The following PMFBP1 variants were observed in gnomAD, a reference collection of about 807,000 sequenced individuals.
PMFBP1 encodes the protein polyamine-modulated factor 1-binding protein 1.
Under a neutral mutation model 137.8 loss-of-function variants are expected in PMFBP1, and 131 were observed. That is an observed-to-expected ratio of 0.95 (90% CI 0.82 to 1.10). PMFBP1 has a LOEUF of 1.10. Among genes scored for constraint, PMFBP1 ranks in the 50% least tolerant of loss-of-function variants. The pLI is 0.00. For synonymous variants in PMFBP1, 490 were observed against 450.4 expected (o/e 1.09, Z -1.11); for missense variants, 1,199 against 1,175.4 (o/e 1.02, Z -0.29).
the PMFBP1 span, among the ~76,000 whole-genome samples, chr16:72,206,069 T>C: frequency 6.6e-6 from 1 of 151,736 alleles, no homozygotes; most frequent in Admixed American, 6.6e-5. Flanking sequence ...TATTGGGAAA[T>C]GGGCCAGGGG....
chr16:72,180,869 A>T (rs892152852), upstream of PMFBP1, among the ~76,000 whole-genome samples: 1 of 152,154 alleles, frequency 6.6e-6, no homozygotes, highest in African/African-American at 2.4e-5. Context: ...CTTCAAAGGG[A>T]ATGTCTGTCC....
At chr16:72,119,822 C>G (rs370401849) in intron 20 of PMFBP1, 29 bp downstream of exon 20, 45 of 1,605,566 alleles carry the variant, frequency 2.8e-5, no homozygotes, top group Non-Finnish European at 3.7e-5. Flanking sequence ...AAAAATCACA[C>G]TTATTTTTTT....
At chr16:72,241,214 G>A in the PMFBP1 span, among the ~76,000 whole-genome samples, 2 of 152,102 alleles carry the variant, frequency 1.3e-5, no homozygotes, top group Non-Finnish European at 2.9e-5. Context: ...AAACAGCCAT[G>A]AAAACCCTCA....
At chr16:72,217,895 T>G in the PMFBP1 span, among the ~76,000 whole-genome samples, 1 of 152,178 alleles carries the variant, frequency 6.6e-6, no homozygotes. Flanking sequence ...AGTCAAGCTC[T>G]GATTTATAGT....
At chr16:72,151,955 A>G (rs1245025562) in intron 4 of PMFBP1, among the ~76,000 whole-genome samples, 1 of 152,068 alleles carries the variant, frequency 6.6e-6, no homozygotes, top group African/African-American at 2.4e-5. Context: ...CCCTCAACCA[A>G]TGACTGGGGG....
Position 72,132,758 on chromosome 16 carries a change from C to G in PMFBP1, c.1437G>C (p.Glu479Asp), listed in dbSNP as rs2042567675. The G allele has an allele frequency of 6.2e-7, 1 of 1,614,098 alleles. No homozygotes were observed. Among genetic ancestry groups the G allele is most frequent in the Non-Finnish European group, 8.5e-7 (1 of 1,180,052 alleles). Residue 479 changes from glutamate to aspartate, a missense_variant, in exon 10 of 21, where the codon GAG becomes GAC. Glu to Asp is a conservative substitution (Grantham distance 45, BLOSUM62 2). Coordinates refer to ENST00000237353, the MANE Select transcript of PMFBP1 (RefSeq NM_031293.3). ...KNSLEEAKQQ[E>D]RLAAQQAAQC... ...CTGCAGGGGCCTCACCAGCCAGCCT[C>G]TCCTGCTGCTTGGCCTCTTCGAGAC... is the stretch of plus-strand genomic sequence containing the variant.
At chr16:72,141,314 T>C (rs2042719116) in intron 5 of PMFBP1, among the ~76,000 whole-genome samples, 1 of 152,230 alleles carries the variant, frequency 6.6e-6, no homozygotes, top group Non-Finnish European at 1.5e-5. Context: ...TTCATATTGT[T>C]ACTTGTTGAT....
At chr16:72,139,197 G>A (rs184466993) in intron 7 of PMFBP1, 92 bp downstream of exon 7, 3 of 878,186 alleles carry the variant, frequency 3.4e-6, no homozygotes, top group Non-Finnish European at 5.3e-6. Context: ...AATATAAATT[G>A]TCATATAAAA....
upstream of PMFBP1, among the ~76,000 whole-genome samples, chr16:72,173,585 G>C (rs772371971): frequency 1.3e-5 from 2 of 152,234 alleles, no homozygotes; most frequent in African/African-American, 2.4e-5. Flanking sequence ...TTCCATGAAG[G>C]AGATGTCAGA....
chr16:72,200,043 T>C, the PMFBP1 span, among the ~76,000 whole-genome samples: 3 of 152,366 alleles, frequency 2.0e-5, no homozygotes, highest in East Asian at 5.8e-4. Context: ...CATTTGGATC[T>C]GGAGGGAGAA....
the PMFBP1 span, among the ~76,000 whole-genome samples, chr16:72,218,099 A>G: frequency 1.8e-4 from 27 of 152,340 alleles, no homozygotes; most frequent in East Asian, 4.8e-3. Flanking sequence ...TTAGGTCTGC[A>G]TCTGGATACA....
the PMFBP1 span, among the ~76,000 whole-genome samples, chr16:72,228,929 T>C: frequency 6.6e-6 from 1 of 151,950 alleles, no homozygotes; most frequent in Non-Finnish European, 1.5e-5. Flanking sequence ...GGCATGGGGC[T>C]TTGGTGTACA....
Position 72,128,796 on chromosome 16 carries a change from T to A in PMFBP1, c.1951-2A>T. 1 of 1,614,208 alleles carries A rather than the reference T, an allele frequency of 6.2e-7. No individual in the cohort carries two copies. The highest frequency in any genetic ancestry group is 8.5e-7 in the Non-Finnish European group (1 of 1,180,028). ...CAACTTTCTGGAATTCTCTTTCAAC[T>A]GTTCCCTCATTAAAGAACAAAGCAC... On this transcript the variant is annotated splice_acceptor_variant, in intron 13 of 20. Coordinates refer to ENST00000237353, the MANE Select transcript of PMFBP1 (RefSeq NM_031293.3). LOFTEE classifies it high-confidence loss of function.
the PMFBP1 span, among the ~76,000 whole-genome samples, chr16:72,206,753 AACGATT>A: frequency 6.6e-6 from 1 of 152,156 alleles, no homozygotes; most frequent in African/African-American, 2.4e-5. Flanking sequence ...TCAACGTGCC[AACGATT>A]ACCGTAGCTA....
chr16:72,247,343 C>T, the PMFBP1 span, among the ~76,000 whole-genome samples: 2 of 152,152 alleles, frequency 1.3e-5, no homozygotes, highest in South Asian at 2.1e-4. Flanking sequence ...CCTTAGAGTA[C>T]AATTTTTACA....
the PMFBP1 span, among the ~76,000 whole-genome samples, chr16:72,232,869 C>A: frequency 6.6e-6 from 1 of 152,076 alleles, no homozygotes; most frequent in Non-Finnish European, 1.5e-5. Context: ...TAATAAAACA[C>A]TGTCTCCATT....
intron 3 of PMFBP1, among the ~76,000 whole-genome samples, chr16:72,157,183 CAAAAAAAAAA>C (rs35414674): frequency 7.9e-4 from 15 of 18,930 alleles, no homozygotes; most frequent in Admixed American, 2.5e-3. Context: ...GACTCCATCT[CAAAAAAAAAA>C]AAAAAAAAAA....
chr16:72,136,340 T>A, intron 9 of PMFBP1, 108 bp downstream of exon 9: 1 of 1,318,660 alleles, frequency 7.6e-7, no homozygotes, highest in Non-Finnish European at 1.1e-6. Flanking sequence ...TGTGCTTGTG[T>A]TGAGGCTCCC....
chr16:72,170,130 T>C (rs1004323454), intron 2 of PMFBP1, among the ~76,000 whole-genome samples: 5 of 151,952 alleles, frequency 3.3e-5, no homozygotes, highest in African/African-American at 1.2e-4. Context: ...ACTGCTTTAT[T>C]CCCAGCTCCT....
Sources: gnomAD v4.1 joint callset for allele counts (sites outside exome capture counted in the v4.1 genomes callset) on GRCh38, gnomAD v4.1.1 for gene constraint, MANE v1.5 for transcripts, NCBI Gene and HGNC (gene_info 2026-07-23, HGNC 2026-07-21) for gene names.